CCDC146: variants seen among roughly 807,000 people sequenced by gnomAD.
CCDC146 encodes coiled-coil domain-containing protein 146.
In CCDC146, 92 loss-of-function variants were observed where a neutral mutation model predicts 119.3. The observed-to-expected ratio is 0.77, with a 90% CI of 0.65 to 0.92. The LOEUF is 0.92. CCDC146 is among the 40% of genes least tolerant of loss of function. The pLI is 0.00. For missense variants in CCDC146, 1,000 were observed against 1,103.0 expected, an observed-to-expected ratio of 0.91 and a Z score of 1.32; for synonymous variants, 372 against 371.8, an observed-to-expected ratio of 1.00 and a Z score of -0.01.
intron 1 of CCDC146, among the ~76,000 whole-genome samples, chr7:77,136,649 G>T (rs1790863972): frequency 6.6e-6 from 1 of 152,184 alleles, no homozygotes; most frequent in East Asian, 1.9e-4. Context: ...AAAATAGGAA[G>T]CACAAAGTTC....
At chr7:77,257,849 ATAGTGGGAGGTGCGGTGT>A (rs1793209979) in intron 6 of CCDC146, 1 of 152,254 alleles carries the variant, frequency 6.6e-6, no homozygotes, top group Admixed American at 6.5e-5. Context: ...TCCACAGAGC[ATAGTGGGAGGTGCGGTGT>A]TAGACAAACT....
chr7:77,199,408 C>G, intron 2 of CCDC146: 5 of 1,614,196 alleles, frequency 3.1e-6, no homozygotes, highest in Non-Finnish European at 4.2e-6. Context: ...TTCTCTAACT[C>G]TGTTATCACC....
chr7:77,253,982 T>C lies in CCDC146; in HGVS notation c.450-524T>C, dbSNP rs1793129376. 2.0e-5 allele frequency among the ~76,000 whole-genome samples: 3 copies of C among 152,130 alleles called. No homozygotes were observed. In the East Asian group the frequency reaches 5.8e-4, roughly 29 times the overall value. ...TAGAGAGGCTGATGAGGCAGGGCCA[T>C]GTAGGTTTGGGAAAGGAGTTCAAAT... On this transcript the variant is annotated intron_variant, in intron 4 of 18. Transcript: ENST00000285871.
At chr7:77,136,620 G>A (rs1411037165) in intron 1 of CCDC146, among the ~76,000 whole-genome samples, 1 of 152,170 alleles carries the variant, frequency 6.6e-6, no homozygotes, top group African/African-American at 2.4e-5. Flanking sequence ...TAAATAAATT[G>A]AATAAATAAT....
intron 3 of CCDC146, among the ~76,000 whole-genome samples, chr7:77,241,158 C>T (rs938491823): frequency 2.0e-5 from 3 of 149,866 alleles, no homozygotes; most frequent in East Asian, 1.9e-4. Flanking sequence ...CCTGGGTTCA[C>T]GCCATTCTCC....
intron 1 of CCDC146, among the ~76,000 whole-genome samples, chr7:77,146,646 T>A (rs1236946083): frequency 1.3e-5 from 2 of 151,924 alleles, no homozygotes; most frequent in Non-Finnish European, 1.5e-5. Flanking sequence ...CTGTAAAGTA[T>A]TTTATTTCTC....
rs1794012745 is a variant in CCDC146, at chr7:77,294,651, C to T, written c.2665-12C>T. On this transcript the variant is annotated splice_polypyrimidine_tract_variant and intron_variant, in intron 18 of 18. Transcript: ENST00000285871. ...TTTCAGAGAACTGAAAAGGAAAAAT[C>T]ATTCTTTGCAGGAGTTCTTGGAAGC... The T allele has an allele frequency of 6.2e-7, 1 of 1,613,294 alleles. No individual in the cohort carries two copies. The highest frequency in any genetic ancestry group is 1.3e-5 in the African/African-American group (1 of 74,892).
intron 1 of CCDC146, among the ~76,000 whole-genome samples, chr7:77,134,071 C>T (rs1182639791): frequency 1.3e-5 from 2 of 152,152 alleles, no homozygotes; most frequent in Non-Finnish European, 1.5e-5. Flanking sequence ...GAAAAGTTGG[C>T]GCTCTTTACT....
chr7:77,278,304 G>A (rs770687875), intron 11 of CCDC146, among the ~76,000 whole-genome samples: 17 of 151,972 alleles, frequency 1.1e-4, no homozygotes, highest in South Asian at 2.1e-4. Context: ...CTCTTCTCTC[G>A]TTTGTTCTCT....
intron 2 of CCDC146, among the ~76,000 whole-genome samples, chr7:77,188,372 G>A (rs1692266366): frequency 6.6e-6 from 1 of 152,132 alleles, no homozygotes; most frequent in Admixed American, 6.5e-5. Flanking sequence ...GAAAAGGGGA[G>A]TAAAACTAGT....
At position 77,148,214 on chromosome 7, in the gene CCDC146, G is replaced by A. The variant is rs563092925; in HGVS notation, c.-11-19444G>A. Among the ~76,000 whole-genome samples, 12 of 152,330 alleles carry A rather than the reference G, an allele frequency of 7.9e-5. No individual in the cohort carries two copies. In the South Asian group the frequency reaches 8.3e-4, roughly 11 times the overall value. The stretch of plus-strand genomic sequence containing the variant: ...GGGTGTGGGACCCTCTGAGCCATGC[G>A]TGGGATATAATCTCCTGGTGTGCCG... On this transcript the variant is annotated intron_variant, in intron 1 of 18. Coordinates refer to ENST00000285871, the MANE Select transcript of CCDC146 (RefSeq NM_020879.3).
chr7:77,209,028 G>C (rs540725471), intron 2 of CCDC146, among the ~76,000 whole-genome samples: 1 of 152,008 alleles, frequency 6.6e-6, no homozygotes, highest in Non-Finnish European at 1.5e-5. Flanking sequence ...TTCACCTCCG[G>C]CCCCTCCCAA....
In CCDC146 at chr7:77,196,928, C is replaced by T. The variant is rs761218758; in HGVS notation, c.156+29104C>T. On this transcript the variant is annotated intron_variant, in intron 2 of 18. Transcript: ENST00000285871. This position sits in a 1 kb window ranked among gnomAD's most constrained non-coding sequence, Gnocchi z 4.2. Reference sequence around the variant, plus strand: ...ATCAGGTGTAACTCTGTAGGTCTCACTGCTTCTTTTGCCTATTGCGTAGTA... The same window carrying T: ...ATCAGGTGTAACTCTGTAGGTCTCATTGCTTCTTTTGCCTATTGCGTAGTA... 12 of 1,613,740 alleles carry T rather than the reference C, an allele frequency of 7.4e-6. No homozygotes were observed. The Admixed American group carries it at 2.0e-4, about 27-fold the overall frequency.
At chr7:77,176,937 G>T (rs1465521888) in intron 2 of CCDC146, among the ~76,000 whole-genome samples, 1 of 151,980 alleles carries the variant, frequency 6.6e-6, no homozygotes, top group Non-Finnish European at 1.5e-5. Context: ...CTGGGCTCAA[G>T]CAATCCTCCC....
rs145115731 is a variant in CCDC146, at chr7:77,268,321, C to T, written c.1174-5373C>T. ...TTTTTGTCCTGATCCATCATGATTACAGAGGGGCTTTGTCTGAAGTTGATG... is the reference window on the plus strand; with the variant it reads ...TTTTTGTCCTGATCCATCATGATTATAGAGGGGCTTTGTCTGAAGTTGATG... On this transcript the variant is annotated intron_variant, in intron 9 of 18. Coordinates refer to ENST00000285871, the MANE Select transcript of CCDC146 (RefSeq NM_020879.3). Among the ~76,000 whole-genome samples the T allele has an allele frequency of 6.3e-3, 952 of 152,232 alleles. 13 individuals are homozygous for T. Among genetic ancestry groups the T allele is most frequent in the African/African-American group, 0.015 (631 of 41,534 alleles).
chr7:77,185,501 T>A (rs566054544), intron 2 of CCDC146, among the ~76,000 whole-genome samples: 8 of 152,180 alleles, frequency 5.3e-5, no homozygotes, highest in Non-Finnish European at 1.2e-4. Flanking sequence ...CAAGGTAGTA[T>A]CTCAGTGAGT....
chr7:77,135,170 T>C (rs556282776), intron 1 of CCDC146, among the ~76,000 whole-genome samples: 1 of 152,346 alleles, frequency 6.6e-6, no homozygotes, highest in East Asian at 1.9e-4. Context: ...CAGTTTGTAA[T>C]GTTAGAAGTG....
intron 1 of CCDC146, among the ~76,000 whole-genome samples, chr7:77,123,406 GTGTGTGT>G (rs1562808258): frequency 9.1e-5 from 3 of 33,024 alleles, no homozygotes; most frequent in Non-Finnish European, 1.2e-4. Flanking sequence ...CCTATAAGGT[GTGTGTGT>G]GTGTGTGTGT....
intron 2 of CCDC146, among the ~76,000 whole-genome samples, chr7:77,211,609 T>TTTTATTTATTTA: frequency 6.6e-6 from 1 of 151,784 alleles, no homozygotes; most frequent in Non-Finnish European, 1.5e-5. Context: ...TTTTTTTTAT[T>TTTTATTTATTTA]TTTATTTATT....
Sources: allele counts gnomAD v4.1 joint callset (sites outside exome capture counted in the v4.1 genomes callset), GRCh38; gene constraint gnomAD v4.1.1; non-coding constraint Gnocchi (gnomAD v3.1); transcripts MANE v1.5; gene names NCBI Gene and HGNC (gene_info 2026-07-23, HGNC 2026-07-21).